OR6C75: variants seen among roughly 807,000 people sequenced by gnomAD.
OR6C75 encodes the protein olfactory receptor 6C75.
For missense variants in OR6C75, 380 were observed against 368.0 expected (o/e 1.03, Z -0.27); for synonymous variants, 149 against 130.6 (o/e 1.14, Z -0.96).
chr12:55,364,214 G>A (rs1869735072), intron 2 of OR6C75, among the ~76,000 whole-genome samples: 1 of 150,480 alleles, frequency 6.6e-6, no homozygotes, highest in Non-Finnish European at 1.5e-5. Context: ...CTGACCTCAG[G>A]TGATCCATCT....
At position 55,366,904 on chromosome 12, in the gene OR6C75, A is replaced by C. The variant is rs1158236703; in HGVS notation, c.*855A>C. ...TTTCTGCCAATATTTTAAAAGAAAA[A>C]CCATGATCTATGAAGGCAATTCATA... On this transcript the variant is annotated 3_prime_UTR_variant, in exon 3 of 3. Transcript: ENST00000641576. 6.6e-6 allele frequency: 1 copy of C among 152,182 alleles called. No individual in the cohort carries two copies. Among genetic ancestry groups the C allele is most frequent in the East Asian group, 1.9e-4 (1 of 5,196 alleles). The allele number at this position is 152,182 out of a possible 1,614,324, so 9.4% of individuals were successfully genotyped here.
In OR6C75 at chr12:55,368,610, A is replaced by C. The variant is rs1312977026; in HGVS notation, c.*2561A>C. The stretch of plus-strand genomic sequence containing the variant: ...CGAAACTCTATCTCGATAAAATAAA[A>C]CAAAATAAAAAAGTTATTTTAAAAT... On this transcript the variant is annotated 3_prime_UTR_variant, in exon 3 of 3. Coordinates refer to ENST00000641576, the MANE Select transcript of OR6C75 (RefSeq NM_001005497.2). 2 of 152,186 alleles carry C rather than the reference A, an allele frequency of 1.3e-5. No individual in the cohort carries two copies. The highest frequency in any genetic ancestry group is 2.9e-5 in the Non-Finnish European group (2 of 68,038). 9.4% of individuals were successfully genotyped at this position (152,186 alleles called of 1,614,324 possible).
chr12:55,365,385 A>T lies in OR6C75; in HGVS notation c.275A>T (p.Tyr92Phe). 2.5e-6 allele frequency: 4 copies of T among 1,614,052 alleles called. No homozygotes were observed. Among genetic ancestry groups the T allele is most frequent in the Non-Finnish European group, 2.5e-6 (3 of 1,179,980 alleles). ...GTGACAGGAAACAGAACCATTTCTT[A>T]TAATGGGTGTGTGGCTCAGCTATTT... The part of the protein sequence containing the change: ...TVVTGNRTIS[Y>F]NGCVAQLFFF... Residue 92 changes from tyrosine (Y) to phenylalanine (F), a missense_variant, in exon 3 of 3, where the codon TAT becomes TTT. Coordinates refer to ENST00000641576, the MANE Select transcript of OR6C75 (RefSeq NM_001005497.2).
rs555339893 is a variant in OR6C75 at position 55,369,066 on chromosome 12, T to A, written c.*3017T>A. The A allele has an allele frequency of 6.6e-6, 1 of 151,766 alleles. No homozygotes were observed. Among genetic ancestry groups the A allele is most frequent in the African/African-American group, 2.4e-5 (1 of 41,398 alleles). The allele number at this position is 151,766 out of a possible 1,614,324, so 9.4% of individuals were successfully genotyped here. A position where few individuals can be genotyped will look rare whatever the true frequency, so the allele number is the denominator to read the frequency against. ...GAAAATCAGGAGTGTGGAAACAACA[T>A]GCAAACGTTAACTAAGTGAAGATAA... On this transcript the variant is annotated 3_prime_UTR_variant, in exon 3 of 3. Coordinates refer to ENST00000641576, the MANE Select transcript of OR6C75 (RefSeq NM_001005497.2).
rs1480014385 is a variant in OR6C75 at position 55,365,686 on chromosome 12, TC to T, written c.577del (p.Leu193Ter). ...LQLSCTNTHFLELMAFFLAVV... is the reference protein window; with the variant it reads ...LQLSCTNTHFXELMAFFLAVV... ...AGCTCTCTTGCACAAACACTCACTT[TC>T]TAGAACTCATGGCATTTTTTTTAGC... On this transcript the variant is annotated frameshift_variant, in exon 3 of 3. Coordinates refer to ENST00000641576, the MANE Select transcript of OR6C75 (RefSeq NM_001005497.2). LOFTEE classifies it low-confidence loss of function (END_TRUNC). The T allele has an allele frequency of 6.2e-7, 1 of 1,614,014 alleles. No individual in the cohort carries two copies. Among genetic ancestry groups the T allele is most frequent in the African/African-American group, 1.3e-5 (1 of 74,928 alleles).
At position 55,365,964 on chromosome 12, in the gene OR6C75, C is replaced by T; in HGVS notation, c.854C>T (p.Pro285Leu). Residue 285 changes from proline (P) to leucine (L), a missense_variant, in exon 3 of 3, where the codon CCC becomes CTC. Coordinates refer to ENST00000641576, the MANE Select transcript of OR6C75 (RefSeq NM_001005497.2). ...ACCTCAGTGGCTCCTCTCTTGAATC[C>T]CTTCATATACACACTGAGAAATAAG... ...LNTSVAPLLN[P>L]FIYTLRNKQV... The T allele has an allele frequency of 6.2e-7, 1 of 1,613,496 alleles. No homozygotes were observed.
Position 55,364,970 on chromosome 12 carries a change from A to T in OR6C75, c.-141A>T, listed in dbSNP as rs1338194203. The T allele has an allele frequency of 1.3e-5, 8 of 610,946 alleles. No individual in the cohort carries two copies. Among genetic ancestry groups the T allele is most frequent in the Admixed American group, 3.1e-5 (1 of 31,776 alleles). 37.8% of individuals were successfully genotyped at this position (610,946 alleles called of 1,614,324 possible). A position where few individuals can be genotyped will look rare whatever the true frequency, so the allele number is the denominator to read the frequency against. On this transcript the variant is annotated 5_prime_UTR_variant, in exon 3 of 3. The change abolishes an upstream ATG in the 5' untranslated region. Coordinates refer to ENST00000641576, the MANE Select transcript of OR6C75 (RefSeq NM_001005497.2). ...CACACTGCCATTTGTGACATTACGG[A>T]TGAACCTGGAAGGCATTATGGTAAA...
chr12:55,366,159 C>G lies in OR6C75; in HGVS notation c.*110C>G. ...ACCTTATTTCACACTTTTAGTTAGA[C>G]ATAGTTACATATCATCAACACTTCT... On this transcript the variant is annotated 3_prime_UTR_variant, in exon 3 of 3. Transcript: ENST00000641576. The G allele has an allele frequency of 1.6e-6, 1 of 631,702 alleles. No individual in the cohort carries two copies. The highest frequency in any genetic ancestry group is 2.2e-5 in the South Asian group (1 of 45,580). 39.1% of individuals were successfully genotyped at this position (631,702 alleles called of 1,614,324 possible).
rs1869822123 is a variant in OR6C75, at chr12:55,367,083, T to A, written c.*1034T>A. The A allele has an allele frequency of 6.6e-6, 1 of 152,190 alleles. No homozygotes were observed. Among genetic ancestry groups the A allele is most frequent in the Non-Finnish European group, 1.5e-5 (1 of 68,022 alleles). The allele number at this position is 152,190 out of a possible 1,614,324, so 9.4% of individuals were successfully genotyped here. A position where few individuals can be genotyped will look rare whatever the true frequency, so the allele number is the denominator to read the frequency against. On this transcript the variant is annotated 3_prime_UTR_variant, in exon 3 of 3. Transcript: ENST00000641576. ...GGTTTATTAATGTCTTGGTTTTTCCTTTTCTAGTAAACCTATAATATTTTA... is the reference window on the plus strand; with the variant it reads ...GGTTTATTAATGTCTTGGTTTTTCCATTTCTAGTAAACCTATAATATTTTA...
chr12:55,364,619 G>A lies in OR6C75; in HGVS notation c.-235-257G>A, dbSNP rs903595719. ...TGGGATTACAGGCATGAGCCACTGC[G>A]CCCAGCCTACAGTTAGTTTCATTGT... is the stretch of plus-strand genomic sequence containing the variant. On this transcript the variant is annotated intron_variant, in intron 2 of 2. Transcript: ENST00000641576. 9.9e-5 allele frequency among the ~76,000 whole-genome samples: 15 copies of A among 151,960 alleles called. No homozygotes were observed. The South Asian group carries it at 2.7e-3, about 27-fold the overall frequency.
At position 55,365,884 on chromosome 12, in the gene OR6C75, T is replaced by C. The variant is rs778726303; in HGVS notation, c.774T>C (p.Ile258=). 1.2e-6 allele frequency: 2 copies of C among 1,613,900 alleles called. No homozygotes were observed. The highest frequency in any genetic ancestry group is 1.7e-6 in the Non-Finnish European group (2 of 1,179,894). The change falls in exon 3 of 3, where the codon ATT becomes ATC. Residue 258 remains isoleucine (I), a synonymous_variant. Coordinates refer to ENST00000641576, the MANE Select transcript of OR6C75 (RefSeq NM_001005497.2). Reference sequence around the variant, plus strand: ...ACAGTAGCTGTATCTTCATGTACATTAAGACTTCTGCCAGAGAAAGGGTGA... The same window carrying C: ...ACAGTAGCTGTATCTTCATGTACATCAAGACTTCTGCCAGAGAAAGGGTGA... The part of the protein sequence containing the change: ...ISYSSCIFMY[I]KTSARERVTL...
rs1869869669 is a variant in OR6C75, at chr12:55,369,167, A to C, written c.*3118A>C. The C allele has an allele frequency of 6.6e-6, 1 of 151,756 alleles. No individual in the cohort carries two copies. The highest frequency in any genetic ancestry group is 1.5e-5 in the Non-Finnish European group (1 of 67,864). 9.4% of individuals were successfully genotyped at this position (151,756 alleles called of 1,614,324 possible). A position where few individuals can be genotyped will look rare whatever the true frequency, so the allele number is the denominator to read the frequency against. Reference sequence around the variant, plus strand: ...AGAGGGAAAGAGAGGGAAAGAAGAGAAACTGGAAAATTAGAGAGTAAGGGA... The same window carrying C: ...AGAGGGAAAGAGAGGGAAAGAAGAGCAACTGGAAAATTAGAGAGTAAGGGA... On this transcript the variant is annotated 3_prime_UTR_variant, in exon 3 of 3. Coordinates refer to ENST00000641576, the MANE Select transcript of OR6C75 (RefSeq NM_001005497.2).
At position 55,365,692 on chromosome 12, in the gene OR6C75, A is replaced by G; in HGVS notation, c.582A>G (p.Glu194=). The G allele has an allele frequency of 1.2e-6, 2 of 1,613,944 alleles. No homozygotes were observed. The highest frequency in any genetic ancestry group is 1.7e-6 in the Non-Finnish European group (2 of 1,179,974). ...CTTGCACAAACACTCACTTTCTAGA[A>G]CTCATGGCATTTTTTTTAGCTGTGG... ...QLSCTNTHFL[E]LMAFFLAVVT... The change falls in exon 3 of 3, where the codon GAA becomes GAG. Residue 194 remains glutamate, a synonymous_variant. Coordinates refer to ENST00000641576, the MANE Select transcript of OR6C75 (RefSeq NM_001005497.2).
chr12:55,365,633 T>G lies in OR6C75; in HGVS notation c.523T>G (p.Phe175Val). 6.2e-7 allele frequency: 1 copy of G among 1,614,048 alleles called. No individual in the cohort carries two copies. The highest frequency in any genetic ancestry group is 1.3e-5 in the African/African-American group (1 of 75,016). ...CTGTGCCTCCAATGTAATTGATCATTTTATCTGTGACTCTTCTCCAATGCT... is the reference window on the plus strand; with the variant it reads ...CTGTGCCTCCAATGTAATTGATCATGTTATCTGTGACTCTTCTCCAATGCT... ...DFCASNVIDH[F>V]ICDSSPMLQL... The change falls in exon 3 of 3, where the codon TTT becomes GTT. Residue 175 changes from phenylalanine (F) to valine (V), a missense_variant. Transcript: ENST00000641576.
rs777937647 is a variant in OR6C75, at chr12:55,365,658, T to C, written c.548T>C (p.Leu183Pro). The C allele has an allele frequency of 3.7e-6, 6 of 1,614,120 alleles. No homozygotes were observed. Among genetic ancestry groups the C allele is most frequent in the Non-Finnish European group, 4.2e-6 (5 of 1,179,998 alleles). Reference sequence around the variant, plus strand: ...TTTATCTGTGACTCTTCTCCAATGCTGCAGCTCTCTTGCACAAACACTCAC... The same window carrying C: ...TTTATCTGTGACTCTTCTCCAATGCCGCAGCTCTCTTGCACAAACACTCAC... ...DHFICDSSPM[L>P]QLSCTNTHFL... Residue 183 changes from leucine (L) to proline (P), a missense_variant, in exon 3 of 3, where the codon CTG becomes CCG. Physicochemically the swap from Leu to Pro is moderately conservative, Grantham distance 98 (BLOSUM62 -3). Coordinates refer to ENST00000641576, the MANE Select transcript of OR6C75 (RefSeq NM_001005497.2).
chr12:55,365,280 T>G lies in OR6C75; in HGVS notation c.170T>G (p.Met57Arg). 6.2e-7 allele frequency: 1 copy of G among 1,613,846 alleles called. No homozygotes were observed. The highest frequency in any genetic ancestry group is 8.5e-7 in the Non-Finnish European group (1 of 1,179,886). ...TCAGATCCCCATCTGCAGACTCCCA[T>G]GTATTTCTTCCTTCGGAACTTCTCA... ...TLSDPHLQTP[M>R]YFFLRNFSFL... The change falls in exon 3 of 3, where the codon ATG becomes AGG. Residue 57 changes from methionine to arginine, a missense_variant. Transcript: ENST00000641576.
rs1869793638 is a variant in OR6C75 at position 55,365,958 on chromosome 12, T to G, written c.848T>G (p.Leu283Trp). ...CTCAATACCTCAGTGGCTCCTCTCT[T>G]GAATCCCTTCATATACACACTGAGA... The part of the protein sequence containing the change: ...AVLNTSVAPL[L>W]NPFIYTLRNK... The change falls in exon 3 of 3, where the codon TTG becomes TGG. Residue 283 changes from leucine to tryptophan, a missense_variant. Coordinates refer to ENST00000641576, the MANE Select transcript of OR6C75 (RefSeq NM_001005497.2). 2 of 1,613,812 alleles carry G rather than the reference T, an allele frequency of 1.2e-6. No individual in the cohort carries two copies. The highest frequency in any genetic ancestry group is 8.5e-7 in the Non-Finnish European group (1 of 1,179,776).
chr12:55,363,445 A>G (rs1869714958), intron 1 of OR6C75, among the ~76,000 whole-genome samples: 1 of 152,090 alleles, frequency 6.6e-6, no homozygotes, highest in Admixed American at 6.5e-5. Context: ...TAAAGAAAAG[A>G]TAATGTAAAG....
At position 55,365,206 on chromosome 12, in the gene OR6C75, C is replaced by T. The variant is rs1869766172; in HGVS notation, c.96C>T (p.Thr32=). The T allele has an allele frequency of 6.2e-7, 1 of 1,612,452 alleles. No homozygotes were observed. The highest frequency in any genetic ancestry group is 8.5e-7 in the Non-Finnish European group (1 of 1,179,324). The change falls in exon 3 of 3, where the codon ACC becomes ACT. Residue 32 remains threonine (T), a synonymous_variant. Coordinates refer to ENST00000641576, the MANE Select transcript of OR6C75 (RefSeq NM_001005497.2). Reference sequence around the variant, plus strand: ...TACTTTTCATATTTCTTCTTGTTACCTACATGTTAAGTGTGACTGGGAACC... The same window carrying T: ...TACTTTTCATATTTCTTCTTGTTACTTACATGTTAAGTGTGACTGGGAACC... The part of the protein sequence containing the change: ...QVVLFIFLLV[T]YMLSVTGNLI...
Sources: allele counts gnomAD v4.1 joint callset (sites outside exome capture counted in the v4.1 genomes callset), GRCh38; gene constraint gnomAD v4.1.1; transcripts MANE v1.5; gene names NCBI Gene and HGNC (gene_info 2026-07-23, HGNC 2026-07-21).